Variants in PLAAT2 observed in about 807,000 individuals in gnomAD.
The protein encoded by PLAAT2 is phospholipase A and acyltransferase 2.
A neutral mutation model predicts 12.8 loss-of-function variants in PLAAT2; 12 were observed. That is an observed-to-expected ratio of 0.94 (90% CI 0.60 to 1.52). The LOEUF is 1.52. Ranked by LOEUF, PLAAT2 falls within the 40% of genes most tolerant of loss-of-function variation. PLAAT2 has a pLI of 0.00. For missense variants in PLAAT2, 166 were observed against 208.1 expected, an observed-to-expected ratio of 0.80 and a Z score of 1.24; for synonymous variants, 79 against 86.8, an observed-to-expected ratio of 0.91 and a Z score of 0.50.
Position 63,554,359 on chromosome 11 carries a change from C to T in PLAAT2, c.388-1294G>A, listed in dbSNP as rs151165851. Among the ~76,000 whole-genome samples, 201 of 151,070 alleles carry T rather than the reference C, an allele frequency of 1.3e-3. 1 individual carries two copies. Among genetic ancestry groups the T allele is most frequent in the Non-Finnish European group, 2.3e-3 (154 of 67,738 alleles). On this transcript the variant is annotated intron_variant, in intron 3 of 3. Transcript: ENST00000255695. ...AGAACTCACGCAAAGGCCGGGGGGG[C>T]GGTGGCTCACACCTGTAATCCCAGC...
chr11:63,559,289 T>C (rs554784649), intron 2 of PLAAT2, among the ~76,000 whole-genome samples: 1 of 152,000 alleles, frequency 6.6e-6, no homozygotes, highest in Non-Finnish European at 1.5e-5. Flanking sequence ...GGCAGCAGAG[T>C]GACACCTTGT....
At chr11:63,563,402 G>C, upstream of PLAAT2, 1 of 1,583,372 alleles carries the variant, frequency 6.3e-7, no homozygotes, top group Non-Finnish European at 8.7e-7. Flanking sequence ...CACTTTCCCT[G>C]TGACCCAGCC....
intron 1 of PLAAT2, 66 bp from the exon 2 acceptor site, chr11:63,560,259 C>G (rs2017507033): frequency 1.7e-6 from 2 of 1,188,486 alleles, no homozygotes; most frequent in Middle Eastern, 2.4e-4. Flanking sequence ...AGGGCCTGAC[C>G]TGCAAGGAGC....
At chr11:63,559,302 C>T (rs2017496957) in intron 2 of PLAAT2, among the ~76,000 whole-genome samples, 1 of 152,064 alleles carries the variant, frequency 6.6e-6, no homozygotes, top group Non-Finnish European at 1.5e-5. Context: ...CACCTTGTCT[C>T]CAAAAAGGTA....
At chr11:63,555,341 A>G (rs909493986) in intron 3 of PLAAT2, among the ~76,000 whole-genome samples, 1 of 152,236 alleles carries the variant, frequency 6.6e-6, no homozygotes, top group Non-Finnish European at 1.5e-5. Flanking sequence ...TTTTTAAAGA[A>G]CAATAAAAAA....
chr11:63,553,400 G>A (rs991017422), intron 3 of PLAAT2, among the ~76,000 whole-genome samples: 1 of 151,962 alleles, frequency 6.6e-6, no homozygotes, highest in Non-Finnish European at 1.5e-5. Context: ...CACACCTTGG[G>A]AGGCTGAGAT....
Position 63,558,919 on chromosome 11 carries a change from G to C in PLAAT2, c.119-259C>G, listed in dbSNP as rs566846004. ...CATGTGAGTTCAGATATACCTGAAA[G>C]AGTCAACAGTCAAGGCAGTGTGGTA... On this transcript the variant is annotated intron_variant, in intron 2 of 3. Transcript: ENST00000255695. Among the ~76,000 whole-genome samples the C allele has an allele frequency of 3.3e-5, 5 of 152,342 alleles. No individual in the cohort carries two copies. The South Asian group carries it at 8.3e-4, about 25-fold the overall frequency.
At chr11:63,556,488 C>T (rs1219619048) in intron 3 of PLAAT2, among the ~76,000 whole-genome samples, 1 of 152,042 alleles carries the variant, frequency 6.6e-6, no homozygotes, top group East Asian at 1.9e-4. Context: ...CCCCTTCCGA[C>T]ACCCCTCCCA....
rs113946391 is a variant in PLAAT2, at chr11:63,559,765, A to G, written c.118+320T>C. ...CAGTTGTACGCTATCTGAAGGAAGC[A>G]ACTGCTTCTTACTCTTGCTTGTACC... On this transcript the variant is annotated intron_variant, in intron 2 of 3. Transcript: ENST00000255695. 3.7e-3 allele frequency among the ~76,000 whole-genome samples: 564 copies of G among 152,180 alleles called. 4 individuals carry two copies. Among genetic ancestry groups the G allele is most frequent in the Middle Eastern group, 0.017 (5 of 294 alleles).
At position 63,558,539 on chromosome 11, in the gene PLAAT2, G is replaced by T; in HGVS notation, c.240C>A (p.His80Gln). ...GGDNYRVNNK[H>Q]DDRYTPLPSN... ...AAGGCAGTGGTGTGTATCTGTCATCGTGCTTGTTATTGACCCTGTAGTTGT... is the reference window on the plus strand; with the variant it reads ...AAGGCAGTGGTGTGTATCTGTCATCTTGCTTGTTATTGACCCTGTAGTTGT... Residue 80 changes from histidine (H) to glutamine (Q), a missense_variant, in exon 3 of 4, where the codon CAC becomes CAA. Coordinates refer to ENST00000255695, the MANE Select transcript of PLAAT2 (RefSeq NM_017878.2). 1.9e-6 allele frequency: 3 copies of T among 1,614,192 alleles called. No homozygotes were observed. The highest frequency in any genetic ancestry group is 8.5e-7 in the Non-Finnish European group (1 of 1,180,038).
rs1433149825 is a variant in PLAAT2, at chr11:63,560,119, C to A, written c.84G>T (p.Val28=). The A allele has an allele frequency of 2.5e-6, 4 of 1,613,222 alleles. No individual in the cohort carries two copies. In the East Asian group the frequency reaches 8.9e-5, roughly 36 times the overall value. The change falls in exon 2 of 4, where the codon GTG becomes GTT. Residue 28 remains valine (V), a synonymous_variant. Coordinates refer to ENST00000255695, the MANE Select transcript of PLAAT2 (RefSeq NM_017878.2). ...RFGYAHWAIY[V]GDGYVVHLAP... is the part of the protein sequence containing the mutation. ...CCAGATGGACCACATAGCCATCTCC[C>A]ACGTAGATGGCCCAGTGTGCATAGC...
At chr11:63,554,842 A>C (rs1318448009) in intron 3 of PLAAT2, among the ~76,000 whole-genome samples, 3 of 152,192 alleles carry the variant, frequency 2.0e-5, no homozygotes, top group African/African-American at 7.2e-5. Context: ...GGGAAAAAAA[A>C]CCATTTTATT....
At chr11:63,560,641 C>T (rs2017510849) in intron 1 of PLAAT2, among the ~76,000 whole-genome samples, 1 of 152,240 alleles carries the variant, frequency 6.6e-6, no homozygotes, top group African/African-American at 2.4e-5. Flanking sequence ...CAACGCCCAA[C>T]ATGTCAGAGG....
rs1295688771 is a variant in PLAAT2, at chr11:63,553,012, T to G, written c.441A>C (p.Ala147=). ...VGVAAGLLAA[A]SLVGILLARS... is the part of the protein sequence containing the mutation. ...TGGCCAGCAGGATCCCCACAAGGCT[T>G]GCGGCAGCCAGCAGGCCTGCTGCCA... The change falls in exon 4 of 4, where the codon GCA becomes GCC. Residue 147 remains alanine, a synonymous_variant. Transcript: ENST00000255695. 2 of 1,614,070 alleles carry G rather than the reference T, an allele frequency of 1.2e-6. No homozygotes were observed. Among genetic ancestry groups the G allele is most frequent in the Non-Finnish European group, 1.7e-6 (2 of 1,179,982 alleles).
At chr11:63,563,474 T>G (rs933972374), upstream of PLAAT2, 28 of 832,200 alleles carry the variant, frequency 3.4e-5, no homozygotes, top group Non-Finnish European at 4.7e-5. Context: ...ATCCCAGCAC[T>G]TTGAGAGGCT....
At chr11:63,555,067 T>G (rs554193023) in intron 3 of PLAAT2, among the ~76,000 whole-genome samples, 2 of 152,274 alleles carry the variant, frequency 1.3e-5, no homozygotes, top group South Asian at 2.1e-4. Context: ...GGTGAAATAT[T>G]ACAAAGGATT....
At chr11:63,563,465 T>C, upstream of PLAAT2, 1 of 944,536 alleles carries the variant, frequency 1.1e-6, no homozygotes, top group Non-Finnish European at 1.7e-6. Context: ...ACACCTGTAA[T>C]CCCAGCACTT....
intron 3 of PLAAT2, among the ~76,000 whole-genome samples, chr11:63,557,997 G>A (rs1244092375): frequency 2.0e-5 from 3 of 152,104 alleles, no homozygotes; most frequent in Non-Finnish European, 2.9e-5. Flanking sequence ...TAACTCCCCC[G>A]CTCTTCACCA....
chr11:63,558,204 G>A (rs1020909496), intron 3 of PLAAT2, among the ~76,000 whole-genome samples, 188 bp downstream of exon 3: 21 of 152,170 alleles, frequency 1.4e-4, no homozygotes, highest in African/African-American at 3.9e-4. Flanking sequence ...CTACATTGCC[G>A]ACTTGCCTAT....
Sources: gnomAD v4.1 joint callset for allele counts (sites outside exome capture counted in the v4.1 genomes callset) on GRCh38, gnomAD v4.1.1 for gene constraint, MANE v1.5 for transcripts, NCBI Gene and HGNC (gene_info 2026-07-23, HGNC 2026-07-21) for gene names.